ZNF608: variants seen among roughly 807,000 people sequenced by gnomAD.
ZNF608 encodes zinc finger protein 608.
Under a neutral mutation model 109.0 loss-of-function variants are expected in ZNF608, and 12 were observed. The ratio of observed to expected loss-of-function variants is 0.11; its 90% CI spans 0.07 to 0.18. The LOEUF (loss-of-function observed/expected upper bound fraction) is 0.18. ZNF608 is among the 10% of genes least tolerant of loss of function. The probability of loss-of-function intolerance (pLI) is 1.00; values close to 1 mark genes in which losing one functional copy is unlikely to be tolerated. For missense variants in ZNF608, 1,707 were observed against 1,879.3 expected (o/e 0.91, Z 1.70); for synonymous variants, 732 against 717.4 (o/e 1.02, Z -0.33).
Position 124,683,383 on chromosome 5 carries a change from T to A in ZNF608, c.1162+17631A>T, listed in dbSNP as rs1443337754. 2.0e-5 allele frequency among the ~76,000 whole-genome samples: 3 copies of A among 152,222 alleles called. No homozygotes were observed. The East Asian group carries it at 5.8e-4, about 29-fold the overall frequency. ...GTGCTACATAGCAATGAAGAGCTCA[T>A]AACTCATAATTATATTGGAAGTATG... On this transcript the variant is annotated intron_variant, in intron 3 of 9. Coordinates refer to ENST00000513986, the MANE Select transcript of ZNF608 (RefSeq NM_020747.3).
Position 124,647,271 on chromosome 5 carries a change from G to A in ZNF608, c.3113C>T (p.Ala1038Val). ...MKIKKESEEDAEKKDKAEQLD... is the reference protein window; with the variant it reads ...MKIKKESEEDVEKKDKAEQLD... ...CTGCTCTGCCTTGTCTTTCTTTTCA[G>A]CATCTTCCTCAGACTCCTTCTTGAT... The change falls in exon 5 of 10, where the codon GCT becomes GTT. Residue 1038 changes from alanine (A) to valine (V), a missense_variant. By Grantham distance (64) the Ala-to-Val change is moderately conservative. Around this residue, in one of 7 missense-constraint regions of ZNF608, gnomAD observed 1,073 missense variants for 1,133.5 expected, o/e 0.95. Transcript: ENST00000513986. 6.2e-7 allele frequency: 1 copy of A among 1,614,174 alleles called. No homozygotes were observed. The highest frequency in any genetic ancestry group is 8.5e-7 in the Non-Finnish European group (1 of 1,180,042).
chr5:124,731,758 G>A (rs750718282), intron 2 of ZNF608, among the ~76,000 whole-genome samples: 4 of 152,142 alleles, frequency 2.6e-5, no homozygotes, highest in South Asian at 2.1e-4. Context: ...CCCGGGAGGC[G>A]GAGGTTGCAG....
intron 3 of ZNF608, among the ~76,000 whole-genome samples, chr5:124,699,690 A>G (rs555472264): frequency 3.0e-4 from 45 of 152,328 alleles, no homozygotes; most frequent in African/African-American, 9.6e-4. Flanking sequence ...AGAGTTCTCT[A>G]ACAACCTTTG....
chr5:124,652,448 ATG>A (rs1461679500), intron 3 of ZNF608, among the ~76,000 whole-genome samples: 2 of 152,238 alleles, frequency 1.3e-5, no homozygotes, highest in African/African-American at 4.8e-5. Context: ...CTAATTAAAT[ATG>A]TGTGCTTGTG....
At chr5:124,646,287 G>A (rs1180907275) in intron 5 of ZNF608, among the ~76,000 whole-genome samples, 1 of 152,168 alleles carries the variant, frequency 6.6e-6, no homozygotes, top group Non-Finnish European at 1.5e-5. Context: ...CTTGAACGGA[G>A]GCGGAGGTTG....
At chr5:124,736,804 A>C (rs1443222367) in intron 2 of ZNF608, among the ~76,000 whole-genome samples, 1 of 152,238 alleles carries the variant, frequency 6.6e-6, no homozygotes, top group Non-Finnish European at 1.5e-5. Context: ...AAGTGTGACC[A>C]ATTGGAACTT....
intron 3 of ZNF608, among the ~76,000 whole-genome samples, chr5:124,669,583 G>A (rs961563209): frequency 3.3e-5 from 5 of 152,048 alleles, no homozygotes; most frequent in African/African-American, 4.8e-5. Flanking sequence ...ATTTTTGGAG[G>A]AACTATAGCG....
rs1454535336 is a variant in ZNF608 at position 124,648,503 on chromosome 5, G to A, written c.1881C>T (p.Ser627=). The change falls in exon 5 of 10, where the codon TCC becomes TCT. Residue 627 remains serine (S), a synonymous_variant. Transcript: ENST00000513986. The part of the protein sequence containing the change: ...SAYDQLKAPA[S]PGAGNPPGTP... ...TCCCAGGTGGGTTTCCAGCACCAGG[G>A]GATGCCGGTGCCTTCAACTGGTCAT... 4 of 1,614,068 alleles carry A rather than the reference G, an allele frequency of 2.5e-6. No homozygotes were observed. Among genetic ancestry groups the A allele is most frequent in the Non-Finnish European group, 3.4e-6 (4 of 1,180,050 alleles).
chr5:124,746,950 G>A (rs1749660841), upstream of ZNF608, among the ~76,000 whole-genome samples: 1 of 137,010 alleles, frequency 7.3e-6, no homozygotes, highest in African/African-American at 2.7e-5. Context: ...GGCGGGGGGC[G>A]GGGGGCTTGG....
Position 124,746,363 on chromosome 5 carries a change from C to G in ZNF608, c.-352G>C. 1.0e-6 allele frequency: 1 copy of G among 985,242 alleles called. No individual in the cohort carries two copies. Among genetic ancestry groups the G allele is most frequent in the Non-Finnish European group, 1.2e-6 (1 of 829,906 alleles). The allele number at this position is 985,242 out of a possible 1,614,324, so 61.0% of individuals were successfully genotyped here. A position where few individuals can be genotyped will look rare whatever the true frequency, so the allele number is the denominator to read the frequency against. ...ATAATCACTCGATAACATTATTCCA[C>G]CTCCCCACCCCCCTTTTGGCAAACG... On this transcript the variant is annotated 5_prime_UTR_variant, in exon 1 of 10. Transcript: ENST00000513986.
At chr5:124,664,055 A>T (rs1313956771) in intron 3 of ZNF608, among the ~76,000 whole-genome samples, 1 of 152,252 alleles carries the variant, frequency 6.6e-6, no homozygotes, top group African/African-American at 2.4e-5. Context: ...CATTAAGCTC[A>T]TAACTACGAT....
chr5:124,698,596 G>A (rs906359262), intron 3 of ZNF608, among the ~76,000 whole-genome samples: 15 of 152,338 alleles, frequency 9.8e-5, no homozygotes, highest in Non-Finnish European at 1.5e-4. Context: ...AACAGAGCAC[G>A]TATAAAGGCA....
intron 2 of ZNF608, among the ~76,000 whole-genome samples, chr5:124,702,894 G>A (rs1753110887): frequency 6.6e-6 from 1 of 152,144 alleles, no homozygotes; most frequent in Non-Finnish European, 1.5e-5. Flanking sequence ...GCTTAATGTG[G>A]ATCAAAGTTC....
Position 124,647,478 on chromosome 5 carries a change from A to G in ZNF608, c.2906T>C (p.Ile969Thr). The part of the protein sequence containing the change: ...RSKASSPSDI[I>T]SSKDSVVKGH... ...TTTTACAACACTGTCCTTACTAGAA[A>G]TAATATCTGATGGGGAACTGGCCTT... The change falls in exon 5 of 10, where the codon ATT becomes ACT. Residue 969 changes from isoleucine to threonine, a missense_variant. Coordinates refer to ENST00000513986, the MANE Select transcript of ZNF608 (RefSeq NM_020747.3). 6.2e-7 allele frequency: 1 copy of G among 1,614,228 alleles called. No individual in the cohort carries two copies. The highest frequency in any genetic ancestry group is 8.5e-7 in the Non-Finnish European group (1 of 1,180,044).
At chr5:124,748,737 G>T, upstream of ZNF608, 1 of 191,728 alleles carries the variant, frequency 5.2e-6, no homozygotes, top group Non-Finnish European at 9.6e-6. Context: ...TCCCCCTGGT[G>T]CACACACACA....
upstream of ZNF608, chr5:124,746,739 A>T: frequency 3.0e-6 from 3 of 984,910 alleles, no homozygotes; most frequent in Non-Finnish European, 3.6e-6. Flanking sequence ...GTTAGTCGGG[A>T]AGTGGCATTT....
At position 124,647,758 on chromosome 5, in the gene ZNF608, T is replaced by C. The variant is rs751005450; in HGVS notation, c.2626A>G (p.Met876Val). The C allele has an allele frequency of 7.4e-6, 12 of 1,613,958 alleles. No homozygotes were observed. The highest frequency in any genetic ancestry group is 6.6e-5 in the South Asian group (6 of 91,086). Reference sequence around the variant, plus strand: ...TCGGCCTCAGCTTTGATACTGGCCATGCGGCTCTCCTGAGACTCCGACAGT... The same window carrying C: ...TCGGCCTCAGCTTTGATACTGGCCACGCGGCTCTCCTGAGACTCCGACAGT... ...NGLSESQESR[M>V]ASIKAEADKV... Residue 876 changes from methionine (M) to valine (V), a missense_variant, in exon 5 of 10, where the codon ATG (methionine) becomes GTG (valine). By Grantham distance (21) the Met-to-Val change is conservative. Around this residue, in one of 7 missense-constraint regions of ZNF608, gnomAD observed 1,073 missense variants for 1,133.5 expected, o/e 0.95. Transcript: ENST00000513986.
chr5:124,729,047 C>T (rs1206197657), intron 2 of ZNF608, among the ~76,000 whole-genome samples: 1 of 152,160 alleles, frequency 6.6e-6, no homozygotes, highest in Non-Finnish European at 1.5e-5. Context: ...CCAATTTCTG[C>T]CCTTTAAGCG....
intron 3 of ZNF608, among the ~76,000 whole-genome samples, chr5:124,666,077 G>C (rs1305016967): frequency 6.6e-6 from 1 of 152,244 alleles, no homozygotes; most frequent in African/African-American, 2.4e-5. Context: ...AATAGACAAT[G>C]AAGGTTAGGA....
Sources: allele counts gnomAD v4.1 joint callset (sites outside exome capture counted in the v4.1 genomes callset), GRCh38; gene constraint gnomAD v4.1.1; regional missense constraint gnomAD v4.1.1; transcripts MANE v1.5; gene names NCBI Gene and HGNC (gene_info 2026-07-23, HGNC 2026-07-21).